The following SFXN2 variants were observed in gnomAD, a reference collection of about 807,000 sequenced individuals.
SFXN2 encodes the protein sideroflexin 2, also known as sideroflexin-2.
SFXN2 carries 37 observed loss-of-function variants against 41.9 expected under a neutral mutation model. The ratio of observed to expected loss-of-function variants is 0.88; its 90% CI spans 0.68 to 1.16. The LOEUF is 1.16. SFXN2 is among the 50% of genes most tolerant of loss of function. The pLI is 0.00. For synonymous variants in SFXN2, 150 were observed against 156.7 expected, an observed-to-expected ratio of 0.96 and a Z score of 0.32; for missense variants, 386 against 425.2, an observed-to-expected ratio of 0.91 and a Z score of 0.81.
chr10:102,732,994 C>A lies in SFXN2; in HGVS notation c.771+86C>A, dbSNP rs956631195. ...TAGGGATACCTGACCTGCCCTCCCCCACCCATCCTTCCCTTTAGCTACCAT... is the reference window on the plus strand; with the variant it reads ...TAGGGATACCTGACCTGCCCTCCCCAACCCATCCTTCCCTTTAGCTACCAT... On this transcript the variant is annotated intron_variant, in intron 9 of 11. Coordinates refer to ENST00000369893, the MANE Select transcript of SFXN2 (RefSeq NM_178858.6). The A allele has an allele frequency of 1.3e-5, 17 of 1,353,132 alleles. No individual in the cohort carries two copies. The Admixed American group carries it at 1.5e-4, about 12-fold the overall frequency. 83.8% of individuals were successfully genotyped at this position (1,353,132 alleles called of 1,614,324 possible).
At chr10:102,727,980 G>A (rs1416059339) in intron 3 of SFXN2, among the ~76,000 whole-genome samples, 1 of 152,116 alleles carries the variant, frequency 6.6e-6, no homozygotes, top group African/African-American at 2.4e-5. Context: ...GGGCCAGCCT[G>A]CGCAGAAGCC....
chr10:102,729,976 G>A (rs572090306), intron 6 of SFXN2, among the ~76,000 whole-genome samples, 168 bp downstream of exon 6: 1 of 152,292 alleles, frequency 6.6e-6, no homozygotes, highest in South Asian at 2.1e-4. Flanking sequence ...GATGGCCCCG[G>A]GAGTGGTGGG....
intron 1 of SFXN2, among the ~76,000 whole-genome samples, chr10:102,720,307 A>C (rs2064489649): frequency 6.7e-6 from 1 of 150,308 alleles, no homozygotes; most frequent in East Asian, 2.0e-4. Flanking sequence ...AAAAAAAAAA[A>C]AAAAAAAAAA....
Position 102,732,876 on chromosome 10 carries a change from A to G in SFXN2, c.739A>G (p.Met247Val). ...TCTTCCAGTCTTGCTGCCAGTCATC[A>G]TGGAAAGGCTTGAGAAATTGCACTT... Reference protein sequence around the residue: ...APGMILLPVIMERLEKLHFMQ... With the variant: ...APGMILLPVIVERLEKLHFMQ... The change falls in exon 9 of 12, where the codon ATG becomes GTG. Residue 247 changes from methionine (M) to valine (V), a missense_variant. Physicochemically the swap from Met to Val is conservative, Grantham distance 21. Coordinates refer to ENST00000369893, the MANE Select transcript of SFXN2 (RefSeq NM_178858.6). 1.2e-6 allele frequency: 2 copies of G among 1,614,104 alleles called. No homozygotes were observed. The highest frequency in any genetic ancestry group is 1.7e-4 in the Middle Eastern group (1 of 6,060).
intron 9 of SFXN2, among the ~76,000 whole-genome samples, 188 bp from the exon 10 acceptor site, chr10:102,733,366 T>G (rs2064730501): frequency 6.6e-6 from 1 of 152,118 alleles, no homozygotes; most frequent in South Asian, 2.1e-4. Flanking sequence ...GCCAGGATGG[T>G]CTCGATCTCC....
At chr10:102,727,820 G>A (rs1173822592) in intron 3 of SFXN2, 1 of 154,368 alleles carries the variant, frequency 6.5e-6, no homozygotes, top group African/African-American at 2.4e-5. Flanking sequence ...GAAGAACATG[G>A]GGTTGTGGGA....
intron 1 of SFXN2, among the ~76,000 whole-genome samples, chr10:102,722,289 A>G (rs762739564): frequency 3.3e-5 from 5 of 152,158 alleles, no homozygotes; most frequent in Non-Finnish European, 5.9e-5. Flanking sequence ...TGCAATGTAC[A>G]TTTATGACTA....
intron 1 of SFXN2, among the ~76,000 whole-genome samples, chr10:102,719,648 T>C (rs920582841): frequency 6.6e-6 from 1 of 152,210 alleles, no homozygotes; most frequent in African/African-American, 2.4e-5. Context: ...GACTCAGTTT[T>C]TTCCTTCTAG....
chr10:102,717,037 C>G (rs1332551342), intron 1 of SFXN2, among the ~76,000 whole-genome samples: 2 of 151,996 alleles, frequency 1.3e-5, no homozygotes, highest in East Asian at 1.9e-4. Flanking sequence ...GTGGCCCAAT[C>G]CATGTGCACC....
chr10:102,715,809 G>T (rs557843719), intron 1 of SFXN2, among the ~76,000 whole-genome samples: 2 of 151,552 alleles, frequency 1.3e-5, no homozygotes, highest in South Asian at 2.1e-4. Context: ...AATTAGCCAG[G>T]TTCCGTGGCG....
rs539499044 is a variant in SFXN2, at chr10:102,739,638, G to C, written c.*1876G>C. The C allele has an allele frequency of 1.3e-5, 2 of 152,346 alleles. No homozygotes were observed. The highest frequency in any genetic ancestry group is 2.9e-5 in the Non-Finnish European group (2 of 68,062). 9.4% of individuals were successfully genotyped at this position (152,346 alleles called of 1,614,324 possible). Reference sequence around the variant, plus strand: ...TCTTAAGCACATGCATCAACCGGGCGCAGTGGCTCATGCCTGTAATCCCCA... The same window carrying C: ...TCTTAAGCACATGCATCAACCGGGCCCAGTGGCTCATGCCTGTAATCCCCA... On this transcript the variant is annotated 3_prime_UTR_variant, in exon 12 of 12. Coordinates refer to ENST00000369893, the MANE Select transcript of SFXN2 (RefSeq NM_178858.6).
Position 102,723,117 on chromosome 10 carries a change from GA to G in SFXN2, c.-25-3486del, listed in dbSNP as rs991123848. On this transcript the variant is annotated intron_variant, in intron 1 of 11. Coordinates refer to ENST00000369893, the MANE Select transcript of SFXN2 (RefSeq NM_178858.6). ...TGGCTAATTTTTCTATTTTTTGGTA[GA>G]AAAAAAAATACAAAATGAGGTTTCA... Among the ~76,000 whole-genome samples, 39 of 148,348 alleles carry G rather than the reference GA, an allele frequency of 2.6e-4. No individual in the cohort carries two copies. In the South Asian group the frequency reaches 7.3e-3, roughly 28 times the overall value.
Position 102,734,613 on chromosome 10 carries a change from C to A in SFXN2, c.821+1010C>A, listed in dbSNP as rs182138146. ...CCAACTTCTGCTAATTGAGTAGTTA[C>A]CATGGGCTGGGTGCTTTACATACAT... On this transcript the variant is annotated intron_variant, in intron 10 of 11. Transcript: ENST00000369893. This position sits in a 1 kb window ranked among gnomAD's most constrained non-coding sequence, Gnocchi z 4.1. 6.6e-6 allele frequency among the ~76,000 whole-genome samples: 1 copy of A among 152,262 alleles called. No homozygotes were observed. The highest frequency in any genetic ancestry group is 2.4e-5 in the African/African-American group (1 of 41,550).
chr10:102,725,519 C>T (rs1197399714), intron 1 of SFXN2, among the ~76,000 whole-genome samples: 4 of 152,014 alleles, frequency 2.6e-5, no homozygotes, highest in South Asian at 2.1e-4. Flanking sequence ...CCCAGGAGTT[C>T]GAGGTTGCAG....
In SFXN2 at chr10:102,733,618, TTGA is replaced by T; in HGVS notation, c.821+20_821+22del. On this transcript the variant is annotated intron_variant, in intron 10 of 11. Transcript: ENST00000369893. The stretch of plus-strand genomic sequence containing the variant: ...AGCGGGTGCTTGTAAGTATCATATT[TTGA>T]TGATTTGGGTTCTGCGTGGCTGGAG... The T allele has an allele frequency of 6.2e-7, 1 of 1,612,744 alleles. No individual in the cohort carries two copies. Among genetic ancestry groups the T allele is most frequent in the Non-Finnish European group, 8.5e-7 (1 of 1,178,754 alleles).
intron 7 of SFXN2, 140 bp downstream of exon 7, chr10:102,731,923 C>T: frequency 1.2e-6 from 1 of 815,056 alleles, no homozygotes; most frequent in Non-Finnish European, 2.0e-6. Context: ...CAAATTTTCC[C>T]CATGTTTCTC....
intron 6 of SFXN2, 77 bp downstream of exon 6, chr10:102,729,885 G>T: frequency 1.3e-6 from 2 of 1,529,192 alleles, no homozygotes; most frequent in Non-Finnish European, 1.8e-6. Flanking sequence ...GCAGTGGGTG[G>T]CTTCTGGGGA....
At chr10:102,732,538 T>C (rs191848363) in intron 8 of SFXN2, among the ~76,000 whole-genome samples, 103 of 152,186 alleles carry the variant, frequency 6.8e-4, no homozygotes, top group Non-Finnish European at 1.2e-3. Context: ...CAGCAGTGGG[T>C]GTATTGCAAA....
intron 9 of SFXN2, among the ~76,000 whole-genome samples, chr10:102,733,350 G>C (rs189202792): frequency 1.7e-4 from 26 of 152,142 alleles, no homozygotes; most frequent in Admixed American, 7.9e-4. Flanking sequence ...GGTTTTCACT[G>C]TGTTAGCCAG....
Sources: allele counts gnomAD v4.1 joint callset (sites outside exome capture counted in the v4.1 genomes callset), GRCh38; gene constraint gnomAD v4.1.1; non-coding constraint Gnocchi (gnomAD v3.1); transcripts MANE v1.5; gene names NCBI Gene and HGNC (gene_info 2026-07-23, HGNC 2026-07-21).